Variants in KCNB2 observed in about 807,000 individuals in gnomAD.
KCNB2 encodes delayed rectifier potassium channel protein.
KCNB2 carries 15 observed loss-of-function variants against 61.5 expected under a neutral mutation model. The ratio of observed to expected loss-of-function variants is 0.24; its 90% CI spans 0.16 to 0.38. The LOEUF (loss-of-function observed/expected upper bound fraction) is 0.38. Ranked by LOEUF, KCNB2 falls within the 10% of genes least tolerant of loss-of-function variation. The pLI is 1.00. For missense variants in KCNB2, 828 were observed against 1,125.2 expected (o/e 0.74, Z 3.78); for synonymous variants, 457 against 446.0 (o/e 1.02, Z -0.31).
chr8:72,811,155 C>CTTTT (rs34236600), intron 2 of KCNB2, among the ~76,000 whole-genome samples: 2 of 140,176 alleles, frequency 1.4e-5, no homozygotes, highest in Non-Finnish European at 1.6e-5. Flanking sequence ...GAAGGGATTT[C>CTTTT]TTTTTTTTTT....
chr8:72,917,872 A>G (rs1806432844), intron 2 of KCNB2, among the ~76,000 whole-genome samples: 1 of 152,194 alleles, frequency 6.6e-6, no homozygotes, highest in Non-Finnish European at 1.5e-5. Flanking sequence ...TCAGGTTGGT[A>G]GAACAGGAGG....
chr8:72,938,230 G>A lies in KCNB2; in HGVS notation c.*139G>A, dbSNP rs181020654. On this transcript the variant is annotated 3_prime_UTR_variant, in exon 3 of 3. Transcript: ENST00000523207. ...AGTGCATAAAATGTTATTTTTGCAT[G>A]GCATGAACAGTTTAGCTTAAGTACT... 5 of 658,166 alleles carry A rather than the reference G, an allele frequency of 7.6e-6. No individual in the cohort carries two copies. Among genetic ancestry groups the A allele is most frequent in the Non-Finnish European group, 1.3e-5 (5 of 378,880 alleles). 40.8% of individuals were successfully genotyped at this position (658,166 alleles called of 1,614,324 possible).
chr8:72,843,803 A>C (rs1809937903), intron 2 of KCNB2, among the ~76,000 whole-genome samples: 1 of 151,944 alleles, frequency 6.6e-6, no homozygotes, highest in Admixed American at 6.6e-5. Flanking sequence ...ATATTCCTCC[A>C]TCCCTTTATT....
At position 72,915,334 on chromosome 8, in the gene KCNB2, C is replaced by T. The variant is rs537750965; in HGVS notation, c.580-20601C>T. 2.6e-5 allele frequency among the ~76,000 whole-genome samples: 4 copies of T among 152,212 alleles called. No homozygotes were observed. In the South Asian group the frequency reaches 8.3e-4, roughly 32 times the overall value. On this transcript the variant is annotated intron_variant, in intron 2 of 2. Coordinates refer to ENST00000523207, the MANE Select transcript of KCNB2 (RefSeq NM_004770.3). ...CCTCTTCCTCCACATCCACTCTATC[C>T]CAAACAGAAAACAAGCAAGACTGGA...
intron 2 of KCNB2, among the ~76,000 whole-genome samples, chr8:72,609,888 T>C (rs1354898878): frequency 1.3e-5 from 2 of 152,182 alleles, no homozygotes; most frequent in African/African-American, 4.8e-5. Flanking sequence ...CGTCGTTACG[T>C]TGAAGTCCAG....
intron 2 of KCNB2, 66 bp from the exon 3 acceptor site, chr8:72,935,869 C>A: frequency 9.4e-7 from 1 of 1,059,710 alleles, no homozygotes; most frequent in Non-Finnish European, 1.4e-6. Flanking sequence ...AATCACCGAC[C>A]CATCTGTCTC....
At chr8:72,650,266 C>A (rs1246638618) in intron 2 of KCNB2, among the ~76,000 whole-genome samples, 1 of 152,096 alleles carries the variant, frequency 6.6e-6, no homozygotes. Context: ...GATTTCTTAA[C>A]TACCTTAGAC....
chr8:72,858,322 T>G (rs1249638174), intron 2 of KCNB2, among the ~76,000 whole-genome samples: 2 of 152,184 alleles, frequency 1.3e-5, no homozygotes, highest in African/African-American at 4.8e-5. Context: ...TTTATGAGAT[T>G]TACATAATTT....
intron 2 of KCNB2, among the ~76,000 whole-genome samples, chr8:72,934,914 T>C (rs1806869612): frequency 6.6e-6 from 1 of 152,054 alleles, no homozygotes; most frequent in Non-Finnish European, 1.5e-5. Context: ...GCTATCTATG[T>C]CCTATATGGC....
chr8:72,561,790 C>CGT (rs1406273924), intron 1 of KCNB2, among the ~76,000 whole-genome samples: 7 of 40,358 alleles, frequency 1.7e-4, no homozygotes, highest in South Asian at 6.9e-4. Context: ...TATATATATA[C>CGT]ATATATATAT....
At chr8:72,868,678 G>A (rs1043798724) in intron 2 of KCNB2, among the ~76,000 whole-genome samples, 3 of 152,178 alleles carry the variant, frequency 2.0e-5, no homozygotes, top group African/African-American at 7.2e-5. Context: ...TCTACTTTAA[G>A]TGAACATTTT....
At chr8:72,569,284 A>G (rs1323959789) in intron 2 of KCNB2, among the ~76,000 whole-genome samples, 1 of 152,200 alleles carries the variant, frequency 6.6e-6, no homozygotes, top group African/African-American at 2.4e-5. Flanking sequence ...GTGTCATCAC[A>G]TGAATTCTTT....
At chr8:72,640,587 A>AT (rs1279579781) in intron 2 of KCNB2, among the ~76,000 whole-genome samples, 1 of 152,036 alleles carries the variant, frequency 6.6e-6, no homozygotes. Flanking sequence ...AGGAATATTG[A>AT]TTTTTTTAGA....
chr8:72,834,603 G>A (rs1809750994), intron 2 of KCNB2, among the ~76,000 whole-genome samples: 1 of 152,152 alleles, frequency 6.6e-6, no homozygotes, highest in Admixed American at 6.5e-5. Context: ...CCTAGAGCAG[G>A]CTTCCAAGGA....
intron 2 of KCNB2, among the ~76,000 whole-genome samples, chr8:72,887,461 A>G (rs1369586144): frequency 6.6e-6 from 1 of 152,168 alleles, no homozygotes; most frequent in Non-Finnish European, 1.5e-5. Context: ...GGATGGCCCA[A>G]TTTCAGATAA....
intron 2 of KCNB2, among the ~76,000 whole-genome samples, chr8:72,652,366 C>T (rs1044466606): frequency 3.0e-4 from 45 of 152,010 alleles, no homozygotes; most frequent in African/African-American, 9.9e-4. Flanking sequence ...CACCATCGTC[C>T]GATGTCTAGA....
rs568926581 is a variant in KCNB2 at position 72,920,441 on chromosome 8, A to ATATCTATCTATCTATC, written c.580-15474_580-15459dup. On this transcript the variant is annotated intron_variant, in intron 2 of 2. Coordinates refer to ENST00000523207, the MANE Select transcript of KCNB2 (RefSeq NM_004770.3). ...AACATGGCAAAACCCCCTCTCCACT[A>ATATCTATCTATCTATC]TATCTATCTATCTATCTATCTATCT... Among the ~76,000 whole-genome samples, 16 of 105,202 alleles carry ATATCTATCTATCTATC rather than the reference A, an allele frequency of 1.5e-4. 4 individuals carry two copies. Among genetic ancestry groups the ATATCTATCTATCTATC allele is most frequent in the African/African-American group, 5.7e-4 (16 of 28,098 alleles). 69.0% of individuals were successfully genotyped at this position (105,202 alleles called of 152,430 possible). A position where few individuals can be genotyped will look rare whatever the true frequency, so the allele number is the denominator to read the frequency against.
At chr8:72,800,944 C>T (rs1386281581) in intron 2 of KCNB2, among the ~76,000 whole-genome samples, 1 of 152,118 alleles carries the variant, frequency 6.6e-6, no homozygotes, top group African/African-American at 2.4e-5. Flanking sequence ...AACTTCAGTT[C>T]CAACCTAGGT....
intron 2 of KCNB2, among the ~76,000 whole-genome samples, chr8:72,791,836 AC>A (rs1231278189): frequency 6.6e-6 from 1 of 152,228 alleles, no homozygotes; most frequent in Non-Finnish European, 1.5e-5. Flanking sequence ...AAAAGAAAAG[AC>A]CTCAAGTAAC....
Sources: gnomAD v4.1 joint callset for allele counts (sites outside exome capture counted in the v4.1 genomes callset) on GRCh38, gnomAD v4.1.1 for gene constraint, MANE v1.5 for transcripts, NCBI Gene and HGNC (gene_info 2026-07-23, HGNC 2026-07-21) for gene names.